The following NELL1 variants were observed in gnomAD, a reference collection of about 807,000 sequenced individuals.
The protein encoded by NELL1 is neural EGFL like 1.
Under a neutral mutation model 107.4 loss-of-function variants are expected in NELL1, and 76 were observed. That is an observed-to-expected ratio of 0.71 (90% CI 0.59 to 0.86). The LOEUF is 0.86. Ranked by LOEUF, NELL1 falls within the 40% of genes least tolerant of loss-of-function variation. The pLI, the probability that NELL1 is intolerant of heterozygous loss-of-function variation, is 0.00. For missense variants in NELL1, 1,024 were observed against 1,005.5 expected (o/e 1.02, Z -0.25); for synonymous variants, 353 against 341.2 (o/e 1.03, Z -0.38).
intron 15 of NELL1, among the ~76,000 whole-genome samples, chr11:21,412,093 A>C (rs968750723): frequency 2.0e-5 from 3 of 152,106 alleles, no homozygotes; most frequent in Non-Finnish European, 4.4e-5. Context: ...ATAAAGTATC[A>C]AATGTTTAGG....
At chr11:21,440,750 CAT>C (rs1853262478) in intron 15 of NELL1, among the ~76,000 whole-genome samples, 1 of 152,070 alleles carries the variant, frequency 6.6e-6, no homozygotes. Context: ...CCCAGTGCCA[CAT>C]AGTCAAGGAG....
At chr11:20,955,219 G>A (rs1851146482) in intron 11 of NELL1, among the ~76,000 whole-genome samples, 1 of 152,168 alleles carries the variant, frequency 6.6e-6, no homozygotes, top group African/African-American at 2.4e-5. Context: ...GTTGTCAACT[G>A]TCAGAGGTTT....
intron 15 of NELL1, among the ~76,000 whole-genome samples, chr11:21,525,772 A>G (rs149602575): frequency 0.012 from 1,875 of 152,238 alleles, 40 homozygotes; most frequent in East Asian, 0.072. Context: ...GGGAACTCCC[A>G]TTTATAAAAA....
At chr11:21,557,395 C>T (rs4601771) in intron 16 of NELL1, among the ~76,000 whole-genome samples, 55,302 of 151,858 alleles carry the variant, frequency 0.36, 11,684 homozygotes, top group Non-Finnish European at 0.48. Flanking sequence ...ATATTTGCAA[C>T]TTTGTAAATG....
rs137941437 is a variant in NELL1, at chr11:20,942,221, A to G, written c.1071+4362A>G. On this transcript the variant is annotated intron_variant, in intron 10 of 19. Coordinates refer to ENST00000357134, the MANE Select transcript of NELL1 (RefSeq NM_006157.5). ...CTATATTCTGTCTCTCATTGGCCAGACTGTACCCTAAAGGTTAGCTTCCTT... is the reference window on the plus strand; with the variant it reads ...CTATATTCTGTCTCTCATTGGCCAGGCTGTACCCTAAAGGTTAGCTTCCTT... Among the ~76,000 whole-genome samples, 660 of 152,304 alleles carry G rather than the reference A, an allele frequency of 4.3e-3. 3 individuals carry two copies. The highest frequency in any genetic ancestry group is 0.015 in the African/African-American group (615 of 41,556).
intron 4 of NELL1, among the ~76,000 whole-genome samples, chr11:20,876,113 C>T (rs1209498276): frequency 3.3e-5 from 5 of 152,072 alleles, no homozygotes; most frequent in Admixed American, 2.6e-4. Flanking sequence ...TTTTTGTTTG[C>T]GTTTGTATTT....
chr11:20,939,790 A>G (rs1850810625), intron 10 of NELL1, among the ~76,000 whole-genome samples: 1 of 152,164 alleles, frequency 6.6e-6, no homozygotes. Flanking sequence ...CAGGAAGAGG[A>G]ACATTCAGGA....
chr11:21,407,796 T>C (rs960666811), intron 15 of NELL1, among the ~76,000 whole-genome samples: 3 of 151,588 alleles, frequency 2.0e-5, no homozygotes, highest in Non-Finnish European at 4.4e-5. Flanking sequence ...CCTCAAACAT[T>C]GCTGCTTCTA....
intron 14 of NELL1, among the ~76,000 whole-genome samples, chr11:21,340,017 A>G (rs11026030): frequency 0.017 from 2,584 of 152,344 alleles, 43 homozygotes; most frequent in Middle Eastern, 0.078. Flanking sequence ...GAAACTGTTC[A>G]GAGATGCAGA....
At chr11:21,564,760 T>C (rs1332965111) in intron 17 of NELL1, among the ~76,000 whole-genome samples, 1 of 151,884 alleles carries the variant, frequency 6.6e-6, no homozygotes, top group Admixed American at 6.6e-5. Flanking sequence ...TATAACAGTA[T>C]TCCATGTTAT....
At chr11:20,755,997 AT>A (rs1396037252) in intron 2 of NELL1, among the ~76,000 whole-genome samples, 1 of 147,096 alleles carries the variant, frequency 6.8e-6, no homozygotes, top group Non-Finnish European at 1.5e-5. Context: ...GGTTCATGCC[AT>A]TTTCCTGCCT....
intron 2 of NELL1, among the ~76,000 whole-genome samples, chr11:20,748,949 C>CATCT (rs139147510): frequency 2.6e-5 from 4 of 151,316 alleles, no homozygotes; most frequent in African/African-American, 4.9e-5. Flanking sequence ...TCCATCCATC[C>CATCT]ATCCATCCAT....
chr11:21,210,988 G>C (rs543132149), intron 13 of NELL1, among the ~76,000 whole-genome samples: 1 of 151,942 alleles, frequency 6.6e-6, no homozygotes, highest in South Asian at 2.1e-4. Flanking sequence ...CTTTTATAAA[G>C]GGGTATTTGT....
chr11:21,035,228 A>C (rs1372579914), intron 12 of NELL1, among the ~76,000 whole-genome samples: 1 of 152,088 alleles, frequency 6.6e-6, no homozygotes, highest in East Asian at 1.9e-4. Context: ...TTGAGTCAGT[A>C]ATAAGTAGCC....
rs369361629 is a variant in NELL1 at position 20,863,914 on chromosome 11, C to T, written c.506+16161C>T. Among the ~76,000 whole-genome samples the T allele has an allele frequency of 4.6e-5, 7 of 152,194 alleles. No homozygotes were observed. The East Asian group carries it at 7.8e-4, about 17-fold the overall frequency. On this transcript the variant is annotated intron_variant, in intron 4 of 19. Transcript: ENST00000357134. ...CGCGGTTAGGAGCTGGAGACCAGCC[C>T]GGCCAACACAGTGAAACCCCGTCTC...
chr11:20,916,243 T>TA (rs1357798553), intron 5 of NELL1, among the ~76,000 whole-genome samples: 1 of 151,942 alleles, frequency 6.6e-6, no homozygotes, highest in African/African-American at 2.4e-5. Flanking sequence ...CCTAATGATC[T>TA]ATGTAACATA....
intron 3 of NELL1, among the ~76,000 whole-genome samples, chr11:20,846,914 A>G (rs926594092): frequency 2.0e-5 from 3 of 152,202 alleles, no homozygotes; most frequent in Non-Finnish European, 4.4e-5. Context: ...TGAAGTGCAG[A>G]CCACAGTGGT....
chr11:20,753,817 G>A (rs116624645), intron 2 of NELL1, among the ~76,000 whole-genome samples: 1,853 of 152,282 alleles, frequency 0.012, 34 homozygotes, highest in African/African-American at 0.042. Context: ...CCCCATAGGA[G>A]CAAAGTGGTC....
intron 14 of NELL1, among the ~76,000 whole-genome samples, chr11:21,367,417 A>G (rs1055746042): frequency 4.2e-5 from 6 of 142,716 alleles, no homozygotes; most frequent in African/African-American, 1.5e-4. Context: ...CTATGATTCT[A>G]AGTTGCATTG....
Sources: allele counts gnomAD v4.1 joint callset (sites outside exome capture counted in the v4.1 genomes callset), GRCh38; gene constraint gnomAD v4.1.1; transcripts MANE v1.5; gene names NCBI Gene and HGNC (gene_info 2026-07-23, HGNC 2026-07-21).